Variants in TDRD12 observed in about 807,000 individuals in gnomAD.
The protein encoded by TDRD12 is tudor domain containing 12.
TDRD12 carries 158 observed loss-of-function variants against 133.5 expected under a neutral mutation model. The ratio of observed to expected loss-of-function variants is 1.18; its 90% CI spans 1.04 to 1.35. TDRD12 has a LOEUF of 1.35. Ranked by LOEUF, TDRD12 falls within the 40% of genes most tolerant of loss-of-function variation. The probability of loss-of-function intolerance (pLI) is 0.00; values close to 1 mark genes in which losing one functional copy is unlikely to be tolerated. For synonymous variants in TDRD12, 460 were observed against 477.9 expected (o/e 0.96, Z 0.49); for missense variants, 1,443 against 1,321.3 (o/e 1.09, Z -1.43).
At chr19:32,792,870 T>C (rs2145669770) in intron 13 of TDRD12, among the ~76,000 whole-genome samples, 1 of 152,330 alleles carries the variant, frequency 6.6e-6, no homozygotes, top group African/African-American at 2.4e-5. Context: ...GTCTCCACAG[T>C]GCACCAAATG....
At chr19:32,758,401 G>A (rs1298703497) in intron 8 of TDRD12, among the ~76,000 whole-genome samples, 2 of 152,166 alleles carry the variant, frequency 1.3e-5, no homozygotes, top group Non-Finnish European at 2.9e-5. Context: ...AAGGGTAGGT[G>A]CATATGAAAT....
In TDRD12 at chr19:32,791,046, C is replaced by T. The variant is rs185455774; in HGVS notation, c.1265C>T (p.Pro422Leu). Residue 422 changes from proline (P) to leucine (L), a missense_variant, in exon 13 of 28, where the codon CCG becomes CTG. Physicochemically the swap from Pro to Leu is moderately conservative, Grantham distance 98. Transcript: ENST00000444215. The stretch of plus-strand genomic sequence containing the variant: ...CCCTGCTTAACCATTGACTCGTCGC[C>T]GCTGTCAGCAGACCTGAAGAAGGTA... The T allele has an allele frequency of 1.3e-3, 2,001 of 1,536,076 alleles. 3 individuals carry two copies. The highest frequency in any genetic ancestry group is 1.6e-3 in the Non-Finnish European group (1,870 of 1,146,886).
chr19:32,767,676 G>A (rs550327643), intron 8 of TDRD12, among the ~76,000 whole-genome samples: 2 of 152,254 alleles, frequency 1.3e-5, no homozygotes, highest in African/African-American at 2.4e-5. Context: ...CAGCTAGCTG[G>A]GGGGCAGGGA....
chr19:32,741,954 T>A (rs1377749094), intron 3 of TDRD12, among the ~76,000 whole-genome samples: 2 of 152,156 alleles, frequency 1.3e-5, no homozygotes, highest in Non-Finnish European at 2.9e-5. Flanking sequence ...ATTGCCAAAC[T>A]TATTATTTAA....
downstream of TDRD12, among the ~76,000 whole-genome samples, chr19:32,825,326 C>T (rs1159662099): frequency 6.6e-6 from 1 of 152,212 alleles, no homozygotes; most frequent in African/African-American, 2.4e-5. This position sits in a 1 kb window ranked among gnomAD's most constrained non-coding sequence, Gnocchi z 4.1. Flanking sequence ...AACATTCTTA[C>T]TCCGGTGTTT....
downstream of TDRD12, chr19:32,826,004 T>A (rs1967576090): frequency 1.2e-6 from 1 of 853,334 alleles, no homozygotes; most frequent in Non-Finnish European, 1.8e-6. Flanking sequence ...ATCTAGACGT[T>A]GCATAAGGTA....
intron 23 of TDRD12, 52 bp from the exon 24 acceptor site, chr19:32,811,158 G>T: frequency 7.3e-7 from 1 of 1,377,412 alleles, no homozygotes; most frequent in Non-Finnish European, 9.9e-7. Flanking sequence ...TTGAGGCAAA[G>T]ATGATCCTTT....
exon 10 of TDRD12, chr19:32,827,319 G>T: frequency 1.9e-6 from 2 of 1,028,040 alleles, no homozygotes; most frequent in South Asian, 4.9e-5. Flanking sequence ...ATTGCCATGT[G>T]ACCGACAGTT....
chr19:32,789,597 C>T (rs1481117776), intron 11 of TDRD12, among the ~76,000 whole-genome samples: 4 of 152,228 alleles, frequency 2.6e-5, no homozygotes, highest in Non-Finnish European at 5.9e-5. Context: ...TAAACTAGCA[C>T]AGCATGCCTT....
intron 14 of TDRD12, among the ~76,000 whole-genome samples, chr19:32,795,941 C>T (rs899925966): frequency 3.9e-5 from 6 of 152,122 alleles, no homozygotes; most frequent in Non-Finnish European, 8.8e-5. Context: ...TGAGAAACTG[C>T]CCCCATGAGC....
chr19:32,802,190 GATATATATGATAGTGATC>G (rs199532433), intron 19 of TDRD12, among the ~76,000 whole-genome samples: 2,700 of 140,608 alleles, frequency 0.019, 49 homozygotes, highest in African/African-American at 0.02. Context: ...ATATGATAGT[GATATATATGATAGTGATC>G]ATATATATGA....
rs778813134 is a variant in TDRD12, at chr19:32,818,201, CAG to C, written c.3383+45_3383+46del. 8 of 685,312 alleles carry C rather than the reference CAG, an allele frequency of 1.2e-5. 1 individual carries two copies. The highest frequency in any genetic ancestry group is 4.7e-5 in the South Asian group (3 of 64,450). 42.5% of individuals were successfully genotyped at this position (685,312 alleles called of 1,614,324 possible). A position where few individuals can be genotyped will look rare whatever the true frequency, so the allele number is the denominator to read the frequency against. On this transcript the variant is annotated intron_variant, in intron 27 of 27. Transcript: ENST00000444215. ...GAGCTTCCTCCCAGAATGCCAGGGA[CAG>C]GGGGCCATGTGTGAGGGGGACAGTG...
In TDRD12 at chr19:32,730,215, C is replaced by T. The variant is rs376542656; in HGVS notation, c.25-1510C>T. Among the ~76,000 whole-genome samples the T allele has an allele frequency of 7.9e-5, 12 of 152,254 alleles. No individual in the cohort carries two copies. In the South Asian group the frequency reaches 1.2e-3, roughly 16 times the overall value. On this transcript the variant is annotated intron_variant, in intron 1 of 27. Transcript: ENST00000444215. The stretch of plus-strand genomic sequence containing the variant: ...TTAGGGCTCCCCCTCTGTGGCTCTC[C>T]GTTTAGGAATTTTACCCTTTAATTC...
At chr19:32,763,473 G>A (rs1970208073) in intron 8 of TDRD12, among the ~76,000 whole-genome samples, 1 of 152,064 alleles carries the variant, frequency 6.6e-6, no homozygotes, top group African/African-American at 2.4e-5. Context: ...AGGTTAAATC[G>A]GGCTGTATTT....
intron 1 of TDRD12, among the ~76,000 whole-genome samples, chr19:32,725,283 C>T (rs566208013): frequency 4.2e-4 from 63 of 150,966 alleles, no homozygotes; most frequent in Non-Finnish European, 7.7e-4. Flanking sequence ...AAATCGTTGC[C>T]GTTGCCTATG....
chr19:32,741,840 G>C (rs1340908299), intron 3 of TDRD12, among the ~76,000 whole-genome samples: 1 of 152,158 alleles, frequency 6.6e-6, no homozygotes, highest in Non-Finnish European at 1.5e-5. Context: ...TTGAGGCCAG[G>C]AGTTCAAGAC....
intron 13 of TDRD12, among the ~76,000 whole-genome samples, chr19:32,791,300 G>A (rs1452380635): frequency 6.6e-6 from 1 of 152,072 alleles, no homozygotes; most frequent in Middle Eastern, 3.2e-3. Context: ...TGAGGCAGCC[G>A]CTGTGTAACT....
At chr19:32,825,354 G>A (rs893828896), downstream of TDRD12, among the ~76,000 whole-genome samples, 1 of 152,180 alleles carries the variant, frequency 6.6e-6, no homozygotes, top group African/African-American at 2.4e-5. This position sits in a 1 kb window ranked among gnomAD's most constrained non-coding sequence, Gnocchi z 4.1. Flanking sequence ...AGCCTTGCCT[G>A]TTGGAGATTG....
intron 14 of TDRD12, 71 bp from the exon 15 acceptor site, chr19:32,797,664 C>A: frequency 1.2e-5 from 7 of 577,168 alleles, no homozygotes; most frequent in South Asian, 4.7e-5. Flanking sequence ...AGGAGATGTT[C>A]TTGATGTTTC....
Sources: gnomAD v4.1 joint callset for allele counts (sites outside exome capture counted in the v4.1 genomes callset) on GRCh38, gnomAD v4.1.1 for gene constraint, Gnocchi (gnomAD v3.1) non-coding constraint, MANE v1.5 for transcripts, NCBI Gene and HGNC (gene_info 2026-07-23, HGNC 2026-07-21) for gene names.